BCAS3: variants seen among roughly 807,000 people sequenced by gnomAD.
BCAS3 encodes the protein BCAS3 microtubule associated cell migration factor, also known as BCAS4/BCAS3 fusion.
In BCAS3, 53 loss-of-function variants were observed where a neutral mutation model predicts 116.1. The observed-to-expected ratio is 0.46, with a 90% CI of 0.37 to 0.57. The LOEUF is 0.57. BCAS3 is among the 20% of genes least tolerant of loss of function. BCAS3 has a pLI of 0.00. For missense variants in BCAS3, 917 were observed against 1,165.4 expected (o/e 0.79, Z 3.10); for synonymous variants, 391 against 408.2 (o/e 0.96, Z 0.51).
intron 22 of BCAS3, among the ~76,000 whole-genome samples, chr17:61,142,281 C>A (rs2076966258): frequency 1.3e-5 from 2 of 152,214 alleles, no homozygotes; most frequent in Non-Finnish European, 2.9e-5. Context: ...AAACCCAGAT[C>A]TGTACAATTG....
At chr17:60,745,940 G>A (rs1449081978) in intron 5 of BCAS3, among the ~76,000 whole-genome samples, 3 of 151,394 alleles carry the variant, frequency 2.0e-5, no homozygotes, top group Non-Finnish European at 4.4e-5. Flanking sequence ...ATCTAAAAAA[G>A]TAGTTACTCT....
chr17:61,168,279 C>G (rs2078635811), intron 22 of BCAS3, among the ~76,000 whole-genome samples: 1 of 152,106 alleles, frequency 6.6e-6, no homozygotes, highest in South Asian at 2.1e-4. Context: ...CTCTTTGATC[C>G]AACTCTGTAT....
chr17:60,816,279 C>CTTTTTTTTTTTTTTTTT (rs537982584), intron 7 of BCAS3, among the ~76,000 whole-genome samples: 2 of 140,118 alleles, frequency 1.4e-5, no homozygotes, highest in African/African-American at 2.7e-5. Context: ...TTTTTCTTTT[C>CTTTTTTTTTTTTTTTTT]TTTTTTTTTT....
rs2048810037 is a variant in BCAS3 at position 61,256,748 on chromosome 17, A to G, written c.2426-111579A>G. On this transcript the variant is annotated intron_variant, in intron 22 of 23. Coordinates refer to ENST00000407086, the MANE Select transcript of BCAS3 (RefSeq NM_017679.5). This position sits in a 1 kb window ranked among gnomAD's most constrained non-coding sequence, Gnocchi z 5.6. Reference sequence around the variant, plus strand: ...CTGGAGACAGAGTAACACAAAAATAATCATTTCAAAAGAAACCTGAGGCTT... The same window carrying G: ...CTGGAGACAGAGTAACACAAAAATAGTCATTTCAAAAGAAACCTGAGGCTT... Among the ~76,000 whole-genome samples, 2 of 152,186 alleles carry G rather than the reference A, an allele frequency of 1.3e-5. No individual in the cohort carries two copies. The highest frequency in any genetic ancestry group is 6.5e-5 in the Admixed American group (1 of 15,280).
chr17:60,789,812 G>GA (rs1300704460), intron 6 of BCAS3, among the ~76,000 whole-genome samples: 1 of 152,098 alleles, frequency 6.6e-6, no homozygotes, highest in Non-Finnish European at 1.5e-5. Flanking sequence ...TATACTGCAG[G>GA]AAAAAACAAG....
At chr17:60,985,330 A>T (rs1043538797) in intron 14 of BCAS3, among the ~76,000 whole-genome samples, 1 of 151,840 alleles carries the variant, frequency 6.6e-6, no homozygotes, top group Non-Finnish European at 1.5e-5. Context: ...TATTTTTAGT[A>T]GAGACAGGGT....
chr17:60,825,556 TA>T (rs1023306196), intron 7 of BCAS3, among the ~76,000 whole-genome samples: 31 of 142,574 alleles, frequency 2.2e-4, no homozygotes, highest in Admixed American at 7.7e-4. Flanking sequence ...TTATTTATAA[TA>T]ATTTATAAAT....
At chr17:60,949,918 A>C (rs1427100919) in intron 14 of BCAS3, among the ~76,000 whole-genome samples, 1 of 152,190 alleles carries the variant, frequency 6.6e-6, no homozygotes, top group Non-Finnish European at 1.5e-5. Context: ...ATATGACTTG[A>C]TTTCTTTAAC....
At chr17:61,280,332 C>T (rs549635248) in intron 22 of BCAS3, among the ~76,000 whole-genome samples, 10 of 152,342 alleles carry the variant, frequency 6.6e-5, no homozygotes, top group Non-Finnish European at 1.5e-4. Context: ...TAGATACAGA[C>T]ATAGGATCAA....
intron 10 of BCAS3, among the ~76,000 whole-genome samples, chr17:60,893,150 T>C (rs575623909): frequency 6.6e-6 from 1 of 152,298 alleles, no homozygotes; most frequent in South Asian, 2.1e-4. Flanking sequence ...AGATTCTTAG[T>C]TGGATGCATA....
chr17:60,801,816 G>A (rs1199241308), intron 6 of BCAS3, among the ~76,000 whole-genome samples: 1 of 151,844 alleles, frequency 6.6e-6, no homozygotes, highest in Non-Finnish European at 1.5e-5. Context: ...TTTGTTCTGG[G>A]GAAACTTTTT....
chr17:61,329,343 A>ATTTT (rs35909318), intron 22 of BCAS3, among the ~76,000 whole-genome samples: 20 of 131,270 alleles, frequency 1.5e-4, no homozygotes, highest in Non-Finnish European at 2.7e-4. Flanking sequence ...TATTATTATT[A>ATTTT]TTTTTTTTTT....
intron 22 of BCAS3, among the ~76,000 whole-genome samples, chr17:61,192,466 A>AT (rs2080206474): frequency 6.6e-6 from 1 of 152,114 alleles, no homozygotes; most frequent in Non-Finnish European, 1.5e-5. Context: ...AAGACCATTG[A>AT]TTTTTAAAAG....
chr17:60,756,516 A>G (rs560240565), intron 6 of BCAS3, among the ~76,000 whole-genome samples: 50 of 152,294 alleles, frequency 3.3e-4, no homozygotes, highest in Admixed American at 2.6e-3. Context: ...ATGAGTGAGA[A>G]CATGTGACAT....
chr17:61,144,661 T>G lies in BCAS3; in HGVS notation c.2425+60097T>G, dbSNP rs937492117. On this transcript the variant is annotated intron_variant, in intron 22 of 23. Transcript: ENST00000407086. The surrounding 1 kb of genome is among the most constrained non-coding windows in gnomAD (Gnocchi z 5.0). ...AAAGTAGTCATTTAACAATACAATA[T>G]TTCTCTCGTGTTCTTGAGCATGTAT... Among the ~76,000 whole-genome samples the G allele has an allele frequency of 2.0e-5, 3 of 152,222 alleles. No individual in the cohort carries two copies. The highest frequency in any genetic ancestry group is 4.4e-5 in the Non-Finnish European group (3 of 68,040).
chr17:61,061,381 C>T (rs2070015101), intron 19 of BCAS3, among the ~76,000 whole-genome samples: 1 of 152,158 alleles, frequency 6.6e-6, no homozygotes, highest in African/African-American at 2.4e-5. Context: ...TTGCAAACAT[C>T]ACCCCCCATC....
chr17:60,689,877 T>C, intron 4 of BCAS3, 116 bp downstream of exon 4: 1 of 704,916 alleles, frequency 1.4e-6, no homozygotes, highest in Non-Finnish European at 2.3e-6. Flanking sequence ...AATTTTTCAG[T>C]TTTCAAAATA....
At chr17:60,959,918 GTC>G (rs770120957) in intron 14 of BCAS3, among the ~76,000 whole-genome samples, 16 of 152,270 alleles carry the variant, frequency 1.1e-4, no homozygotes, top group South Asian at 4.1e-4. Context: ...CTCAGTCTCT[GTC>G]TCTCTGATTG....
Position 61,272,904 on chromosome 17 carries a change from G to A in BCAS3, c.2426-95423G>A, listed in dbSNP as rs971463226. Among the ~76,000 whole-genome samples the A allele has an allele frequency of 5.3e-5, 8 of 151,658 alleles. No homozygotes were observed. In the South Asian group the frequency reaches 1.5e-3, roughly 28 times the overall value. On this transcript the variant is annotated intron_variant, in intron 22 of 23. Coordinates refer to ENST00000407086, the MANE Select transcript of BCAS3 (RefSeq NM_017679.5). The stretch of plus-strand genomic sequence containing the variant: ...ACTGTCACGCTGGGGAGTCCCTTTG[G>A]CTCACTTCTGCATTAGATCTCCTAT...
Sources: gnomAD v4.1 joint callset for allele counts (sites outside exome capture counted in the v4.1 genomes callset) on GRCh38, gnomAD v4.1.1 for gene constraint, Gnocchi (gnomAD v3.1) non-coding constraint, MANE v1.5 for transcripts, NCBI Gene and HGNC (gene_info 2026-07-23, HGNC 2026-07-21) for gene names.